ZFR: variants seen among roughly 807,000 people sequenced by gnomAD.
ZFR encodes the protein zinc finger RNA-binding protein.
A neutral mutation model predicts 130.7 loss-of-function variants in ZFR; 19 were observed. The ratio of observed to expected loss-of-function variants is 0.15; its 90% confidence interval spans 0.10 to 0.21. The LOEUF (loss-of-function observed/expected upper bound fraction) is 0.21, where lower values mean the gene tolerates loss of function less well. ZFR is among the 10% of genes least tolerant of loss of function. The pLI is 1.00. For synonymous variants in ZFR, 466 were observed against 456.9 expected, an observed-to-expected ratio of 1.02 and a Z score of -0.25; for missense variants, 872 against 1,321.5, an observed-to-expected ratio of 0.66 and a Z score of 5.27.
At chr5:32,439,872 G>A (rs1754422652) in intron 2 of ZFR, among the ~76,000 whole-genome samples, 1 of 148,558 alleles carries the variant, frequency 6.7e-6, no homozygotes, top group Non-Finnish European at 1.5e-5. Context: ...GGGATATAAT[G>A]GGATTATTTT....
chr5:32,413,778 TG>T (rs1195057070), intron 5 of ZFR, among the ~76,000 whole-genome samples: 1 of 152,246 alleles, frequency 6.6e-6, no homozygotes, highest in Non-Finnish European at 1.5e-5. Context: ...CTATCTTAAA[TG>T]ACAGATCTAG....
chr5:32,356,422 T>C (rs1752308554), intron 19 of ZFR, among the ~76,000 whole-genome samples: 1 of 152,204 alleles, frequency 6.6e-6, no homozygotes, highest in South Asian at 2.1e-4. Context: ...TTGTTTTGTT[T>C]TGTTTTTTGA....
In ZFR at chr5:32,397,411, T is replaced by C. The variant is rs890156096; in HGVS notation, c.1714-73A>G. The C allele has an allele frequency of 1.6e-5, 24 of 1,547,862 alleles. No individual in the cohort carries two copies. The South Asian group carries it at 1.6e-4, about 10-fold the overall frequency. The stretch of plus-strand genomic sequence containing the variant: ...TCATTCATAAACCCCCACATATTAT[T>C]TGATGAAGTTGTACACAGTTAGAAA... On this transcript the variant is annotated intron_variant, in intron 9 of 19. Coordinates refer to ENST00000265069, the MANE Select transcript of ZFR (RefSeq NM_016107.5).
chr5:32,419,736 A>G (rs1212984349), intron 3 of ZFR, 85 bp downstream of exon 3: 7 of 1,485,716 alleles, frequency 4.7e-6, no homozygotes, highest in Non-Finnish European at 5.3e-6. Flanking sequence ...CCCAAGTTTG[A>G]GAAGCAATGG....
chr5:32,356,170 A>G (rs977839801), intron 19 of ZFR, among the ~76,000 whole-genome samples: 12 of 152,230 alleles, frequency 7.9e-5, no homozygotes, highest in African/African-American at 2.9e-4. Flanking sequence ...AAAAAAAACC[A>G]AAAAACTTTA....
intron 2 of ZFR, among the ~76,000 whole-genome samples, chr5:32,428,682 C>A (rs1754130440): frequency 6.6e-6 from 1 of 152,190 alleles, no homozygotes; most frequent in African/African-American, 2.4e-5. Context: ...ACCAGTCTGC[C>A]TACCACACTT....
At chr5:32,414,259 T>C (rs140388632) in intron 5 of ZFR, among the ~76,000 whole-genome samples, 40 of 152,250 alleles carry the variant, frequency 2.6e-4, no homozygotes, top group African/African-American at 8.9e-4. Context: ...AGATAAGAAA[T>C]CTCTGAGAAA....
chr5:32,435,101 G>A (rs1754306354), intron 2 of ZFR, among the ~76,000 whole-genome samples: 1 of 152,094 alleles, frequency 6.6e-6, no homozygotes, highest in Non-Finnish European at 1.5e-5. Flanking sequence ...GTAGAGGCAA[G>A]TGGATTGCTT....
In ZFR at chr5:32,444,405, G is replaced by A. The variant is rs1014303146; in HGVS notation, c.38-77C>T. 8.8e-6 allele frequency: 13 copies of A among 1,478,452 alleles called. No individual in the cohort carries two copies. The Admixed American group carries it at 2.6e-4, about 29-fold the overall frequency. 91.6% of individuals were successfully genotyped at this position (1,478,452 alleles called of 1,614,324 possible). A position where few individuals can be genotyped will look rare whatever the true frequency, so the allele number is the denominator to read the frequency against. On this transcript the variant is annotated intron_variant, in intron 1 of 19. Coordinates refer to ENST00000265069, the MANE Select transcript of ZFR (RefSeq NM_016107.5). ...GAGCCGAGACGCCGAGGGAGGGCAGGGAGAGAAAGAGAGAGGCGCCGTGAG... is the reference window on the plus strand; with the variant it reads ...GAGCCGAGACGCCGAGGGAGGGCAGAGAGAGAAAGAGAGAGGCGCCGTGAG...
chr5:32,404,128 T>C, intron 6 of ZFR, 31 bp from the exon 7 acceptor site: 1 of 1,543,056 alleles, frequency 6.5e-7, no homozygotes, highest in Non-Finnish European at 8.8e-7. Context: ...ACATTTTGCT[T>C]CACTAATTTT....
At chr5:32,360,124 G>GATA (rs1752400068) in intron 19 of ZFR, among the ~76,000 whole-genome samples, 1 of 152,062 alleles carries the variant, frequency 6.6e-6, no homozygotes, top group Non-Finnish European at 1.5e-5. Context: ...CATTTCTAGG[G>GATA]ATATACCCAC....
At chr5:32,423,943 TA>T (rs1323634705) in intron 2 of ZFR, among the ~76,000 whole-genome samples, 1 of 152,208 alleles carries the variant, frequency 6.6e-6, no homozygotes, top group Non-Finnish European at 1.5e-5. Context: ...GGAGGCAGAA[TA>T]AAGATTTTTT....
chr5:32,374,368 T>C (rs991561810), intron 17 of ZFR, among the ~76,000 whole-genome samples: 10 of 152,144 alleles, frequency 6.6e-5, no homozygotes, highest in Middle Eastern at 6.8e-3. Context: ...CCAGGCGTGG[T>C]GGTGCATGCC....
chr5:32,374,666 T>G (rs897644130), intron 17 of ZFR, among the ~76,000 whole-genome samples: 1 of 151,038 alleles, frequency 6.6e-6, no homozygotes, highest in African/African-American at 2.4e-5. Flanking sequence ...AATACTTTAC[T>G]GGCTAGTCTA....
intron 10 of ZFR, among the ~76,000 whole-genome samples, chr5:32,395,998 G>C (rs1247968428): frequency 6.6e-6 from 1 of 152,170 alleles, no homozygotes; most frequent in African/African-American, 2.4e-5. Flanking sequence ...AAGGAAGGCA[G>C]ATCACTTGAG....
intron 1 of ZFR, 43 bp downstream of exon 1, chr5:32,444,579 G>T: frequency 6.9e-7 from 1 of 1,457,336 alleles, no homozygotes; most frequent in Admixed American, 3.0e-5. Context: ...CCGGGGCCAG[G>T]GAGGGGGCCG....
rs938778904 is a variant in ZFR, at chr5:32,354,567, T to C, written c.*1193A>G. 2 of 152,682 alleles carry C rather than the reference T, an allele frequency of 1.3e-5. No individual in the cohort carries two copies. Among genetic ancestry groups the C allele is most frequent in the Non-Finnish European group, 2.9e-5 (2 of 68,042 alleles). The allele number at this position is 152,682 out of a possible 1,614,324, so 9.5% of individuals were successfully genotyped here. ...TTCATTACATCACTGCTAGAATATTTAGCTTTGTGTAGGAGACATAAGCAG... is the reference window on the plus strand; with the variant it reads ...TTCATTACATCACTGCTAGAATATTCAGCTTTGTGTAGGAGACATAAGCAG... On this transcript the variant is annotated 3_prime_UTR_variant, in exon 20 of 20. Coordinates refer to ENST00000265069, the MANE Select transcript of ZFR (RefSeq NM_016107.5).
intron 9 of ZFR, among the ~76,000 whole-genome samples, chr5:32,399,763 G>C (rs993934909): frequency 2.6e-5 from 4 of 151,980 alleles, no homozygotes; most frequent in African/African-American, 9.7e-5. Flanking sequence ...AAGTTACTTT[G>C]CACACCACAG....
chr5:32,369,485 T>TAAAACAAAACAAAACAAAACAAAAC (rs70961625), intron 17 of ZFR, among the ~76,000 whole-genome samples: 10 of 150,720 alleles, frequency 6.6e-5, no homozygotes, highest in African/African-American at 2.2e-4. Context: ...TATCATTCTT[T>TAAAACAAAACAAAACAAAACAAAAC]AAAACAAAAC....
Sources: gnomAD v4.1 joint callset for allele counts (sites outside exome capture counted in the v4.1 genomes callset) on GRCh38, gnomAD v4.1.1 for gene constraint, MANE v1.5 for transcripts, NCBI Gene and HGNC (gene_info 2026-07-23, HGNC 2026-07-21) for gene names.